CDH18: variants seen among roughly 807,000 people sequenced by gnomAD.
CDH18 encodes the protein cadherin-18.
A neutral mutation model predicts 67.9 loss-of-function variants in CDH18; 31 were observed. The observed-to-expected ratio is 0.46, with a 90% confidence interval of 0.34 to 0.62. The LOEUF (loss-of-function observed/expected upper bound fraction) is 0.62. Among genes scored for constraint, CDH18 ranks in the 20% least tolerant of loss-of-function variants. The pLI, the probability that CDH18 is intolerant of heterozygous loss-of-function variation, is 0.01. For synonymous variants in CDH18, 362 were observed against 347.2 expected (o/e 1.04, Z -0.48); for missense variants, 890 against 975.5 (o/e 0.91, Z 1.17).
At chr5:20,304,531 A>G in intron 1 of CDH18, 2 of 1,610,326 alleles carry the variant, frequency 1.2e-6, no homozygotes, top group South Asian at 2.2e-5. Context: ...TACTCTGGTA[A>G]TATCTTTGCC....
chr5:20,316,300 A>C (rs551869284), intron 1 of CDH18, among the ~76,000 whole-genome samples: 42 of 152,164 alleles, frequency 2.8e-4, no homozygotes, highest in African/African-American at 9.6e-4. Context: ...GACTCTAAAA[A>C]CCAGAAAAAT....
intron 2 of CDH18, among the ~76,000 whole-genome samples, chr5:20,236,435 AT>A (rs1742481533): frequency 1.3e-5 from 2 of 151,836 alleles, no homozygotes; most frequent in South Asian, 4.2e-4. Context: ...AGCAATCAAG[AT>A]TTTCTTTATA....
At chr5:20,049,214 G>T (rs1448004551) in intron 2 of CDH18, among the ~76,000 whole-genome samples, 1 of 151,564 alleles carries the variant, frequency 6.6e-6, no homozygotes. Flanking sequence ...TTCTAGAAGA[G>T]CGTACTGGAA....
chr5:20,363,585 C>T (rs79561838), intron 1 of CDH18, among the ~76,000 whole-genome samples: 3,379 of 152,092 alleles, frequency 0.022, 91 homozygotes, highest in East Asian at 0.061. Flanking sequence ...CCTTTACTCC[C>T]CCTGCTTCTT....
At chr5:20,200,015 C>T (rs1739321629) in intron 2 of CDH18, among the ~76,000 whole-genome samples, 1 of 152,124 alleles carries the variant, frequency 6.6e-6, no homozygotes, top group African/African-American at 2.4e-5. Flanking sequence ...ATAAATTGCT[C>T]AGTCTTGGGT....
At chr5:20,504,362 G>T (rs1158087406) in intron 1 of CDH18, among the ~76,000 whole-genome samples, 1 of 152,180 alleles carries the variant, frequency 6.6e-6, no homozygotes, top group Admixed American at 6.5e-5. Context: ...TGCTTTAATG[G>T]TATTCCATAA....
chr5:19,680,916 A>C (rs1202229190), intron 5 of CDH18, among the ~76,000 whole-genome samples: 1 of 152,068 alleles, frequency 6.6e-6, no homozygotes, highest in Non-Finnish European at 1.5e-5. Context: ...TATTTGGTAC[A>C]TACCCAAAGG....
chr5:20,421,658 G>A (rs1034480688), intron 1 of CDH18, among the ~76,000 whole-genome samples: 18 of 150,698 alleles, frequency 1.2e-4, no homozygotes, highest in Non-Finnish European at 2.4e-4. Flanking sequence ...CAGAGTCATG[G>A]GTTAGCATGA....
At chr5:20,430,632 T>C (rs893722373) in intron 1 of CDH18, among the ~76,000 whole-genome samples, 3 of 152,104 alleles carry the variant, frequency 2.0e-5, no homozygotes, top group Middle Eastern at 3.2e-3. Context: ...CATAATATAA[T>C]TGGAATAAAT....
chr5:19,806,866 T>C (rs1437172716), intron 3 of CDH18, among the ~76,000 whole-genome samples: 2 of 152,208 alleles, frequency 1.3e-5, no homozygotes, highest in Admixed American at 6.5e-5. Flanking sequence ...CAGTAATTCA[T>C]TGCTTAGTGT....
intron 2 of CDH18, among the ~76,000 whole-genome samples, chr5:19,993,214 T>G (rs1000651897): frequency 6.6e-6 from 1 of 152,122 alleles, no homozygotes; most frequent in South Asian, 2.1e-4. Flanking sequence ...GTATTAAATA[T>G]ATGGTAGTGG....
chr5:19,851,665 T>A (rs1581645623), intron 2 of CDH18, among the ~76,000 whole-genome samples: 1 of 151,938 alleles, frequency 6.6e-6, no homozygotes, highest in African/African-American at 2.4e-5. Context: ...CTTAACTTAT[T>A]TTTTACTACC....
chr5:19,993,116 C>T (rs1246442846), upstream of CDH18, among the ~76,000 whole-genome samples: 2 of 152,012 alleles, frequency 1.3e-5, no homozygotes, highest in East Asian at 1.9e-4. Context: ...TGAAGAACTA[C>T]AAATTTCATA....
intron 2 of CDH18, among the ~76,000 whole-genome samples, chr5:19,842,161 G>A (rs1782391590): frequency 6.6e-6 from 1 of 152,208 alleles, no homozygotes; most frequent in Admixed American, 6.5e-5. Context: ...AGTGTTCAAA[G>A]ACCCTTCTGC....
chr5:19,779,269 A>G (rs921712910), intron 3 of CDH18, among the ~76,000 whole-genome samples: 2 of 152,190 alleles, frequency 1.3e-5, no homozygotes, highest in Admixed American at 6.5e-5. Context: ...ATCACTGAAT[A>G]TAAGTTGAAT....
chr5:20,357,585 T>A (rs1162669310), intron 1 of CDH18, among the ~76,000 whole-genome samples: 1 of 152,068 alleles, frequency 6.6e-6, no homozygotes, highest in African/African-American at 2.4e-5. Flanking sequence ...ATCAGAGAAA[T>A]GCAAATCAAA....
intron 2 of CDH18, among the ~76,000 whole-genome samples, chr5:19,857,607 G>T (rs1339421394): frequency 6.6e-6 from 1 of 152,052 alleles, no homozygotes; most frequent in Non-Finnish European, 1.5e-5. Context: ...GTAGCATTCA[G>T]GATCAGGTTT....
At chr5:20,358,592 G>A (rs975137490) in intron 1 of CDH18, among the ~76,000 whole-genome samples, 1 of 152,010 alleles carries the variant, frequency 6.6e-6, no homozygotes, top group Non-Finnish European at 1.5e-5. Context: ...CCACTTACAG[G>A]GTTAGAACCT....
chr5:20,172,214 A>ATACACGTATATATATATACG (rs1554098758), intron 2 of CDH18, among the ~76,000 whole-genome samples: 4 of 32,848 alleles, frequency 1.2e-4, no homozygotes, highest in African/African-American at 5.0e-4. Context: ...ATATATATAT[A>ATACACGTATATATATATACG]TATATATATG....
Sources: allele counts gnomAD v4.1 joint callset (sites outside exome capture counted in the v4.1 genomes callset), GRCh38; gene constraint gnomAD v4.1.1; transcripts MANE v1.5; gene names NCBI Gene and HGNC (gene_info 2026-07-23, HGNC 2026-07-21).